The following PRRX2 variants were observed in gnomAD, a reference collection of about 807,000 sequenced individuals.
PRRX2 encodes the protein paired related homeobox 2.
PRRX2 carries 11 observed loss-of-function variants against 18.0 expected under a neutral mutation model. That is an observed-to-expected ratio of 0.61 (90% CI 0.39 to 1.01). The LOEUF is 1.01. PRRX2 is among the 50% of genes least tolerant of loss of function. The pLI is 0.01. For synonymous variants in PRRX2, 177 were observed against 154.8 expected (o/e 1.14, Z -1.06); for missense variants, 387 against 351.0 (o/e 1.10, Z -0.82).
chr9:129,696,439 G>T (rs1832423267), intron 1 of PRRX2, among the ~76,000 whole-genome samples: 1 of 152,066 alleles, frequency 6.6e-6, no homozygotes, highest in South Asian at 2.1e-4. Context: ...GCCAGGCGTG[G>T]TAGTGGGCGC....
At chr9:129,677,383 T>C (rs1832173178) in intron 1 of PRRX2, among the ~76,000 whole-genome samples, 1 of 152,254 alleles carries the variant, frequency 6.6e-6, no homozygotes, top group South Asian at 2.1e-4. Context: ...GGTATCACAC[T>C]GGCCACCTCA....
chr9:129,703,736 G>C (rs1018321290), intron 1 of PRRX2, among the ~76,000 whole-genome samples: 2 of 152,248 alleles, frequency 1.3e-5, no homozygotes, highest in Non-Finnish European at 2.9e-5. Flanking sequence ...CCATGCTGCG[G>C]TGAGGGGCGC....
intron 1 of PRRX2, among the ~76,000 whole-genome samples, chr9:129,699,416 T>C (rs1247019343): frequency 2.6e-5 from 4 of 151,122 alleles, no homozygotes; most frequent in Non-Finnish European, 5.9e-5. Context: ...AGGGCAAGAC[T>C]CTGTCTCAAA....
At chr9:129,721,860 C>A (rs1030315831) in intron 3 of PRRX2, among the ~76,000 whole-genome samples, 4 of 152,008 alleles carry the variant, frequency 2.6e-5, no homozygotes, top group African/African-American at 9.7e-5. Context: ...GGATTACAGG[C>A]GTGAGCCACC....
chr9:129,711,496 C>G (rs1055625290), intron 1 of PRRX2, among the ~76,000 whole-genome samples: 1 of 150,150 alleles, frequency 6.7e-6, no homozygotes, highest in African/African-American at 2.5e-5. Context: ...ACCTCCACCT[C>G]CCGGGTTTAA....
intron 1 of PRRX2, among the ~76,000 whole-genome samples, chr9:129,682,424 G>A (rs543479153): frequency 3.3e-5 from 5 of 152,140 alleles, no homozygotes; most frequent in East Asian, 3.9e-4. Flanking sequence ...CCTGGCAACC[G>A]CAGGCCCCCA....
Position 129,722,512 on chromosome 9 carries a change from GC to G in PRRX2, c.*163del. 1 of 771,318 alleles carries G rather than the reference GC, an allele frequency of 1.3e-6. No individual in the cohort carries two copies. Among genetic ancestry groups the G allele is most frequent in the Non-Finnish European group, 1.8e-6 (1 of 566,962 alleles). The allele number at this position is 771,318 out of a possible 1,614,324, so 47.8% of individuals were successfully genotyped here. On this transcript the variant is annotated 3_prime_UTR_variant, in exon 4 of 4. Transcript: ENST00000372469. The stretch of plus-strand genomic sequence containing the variant: ...AGGCTGTTGAGGCCCCTGCAGCCGG[GC>G]CCAGCTCTTCTGTCCTTGGCCACCA...
chr9:129,692,933 C>T (rs12685195), intron 1 of PRRX2, among the ~76,000 whole-genome samples: 6,829 of 152,228 alleles, frequency 0.045, 425 homozygotes, highest in East Asian at 0.35. Flanking sequence ...ATGGCCAAAT[C>T]GTACGGTAAA....
rs564662323 is a variant in PRRX2, at chr9:129,679,990, C to T, written c.259+13864C>T. On this transcript the variant is annotated intron_variant, in intron 1 of 3. Transcript: ENST00000372469. ...TCATGTCTCTGAGCCTCAAATTCCT[C>T]ACCTGCAAAATGATCATCATAATAG... 3.9e-5 allele frequency among the ~76,000 whole-genome samples: 6 copies of T among 152,288 alleles called. No individual in the cohort carries two copies. The East Asian group carries it at 1.2e-3, about 29-fold the overall frequency.
At chr9:129,672,078 G>C (rs1187241452) in intron 1 of PRRX2, among the ~76,000 whole-genome samples, 2 of 152,270 alleles carry the variant, frequency 1.3e-5, no homozygotes, top group East Asian at 3.9e-4. Flanking sequence ...GCAGAACTTG[G>C]GGCACTTCCG....
rs925958417 is a variant in PRRX2 at position 129,709,769 on chromosome 9, C to A, written c.260-9462C>A. Among the ~76,000 whole-genome samples, 1 of 152,132 alleles carries A rather than the reference C, an allele frequency of 6.6e-6. No homozygotes were observed. Among genetic ancestry groups the A allele is most frequent in the Admixed American group, 6.5e-5 (1 of 15,274 alleles). On this transcript the variant is annotated intron_variant, in intron 1 of 3. Transcript: ENST00000372469. The surrounding 1 kb of genome is among the most constrained non-coding windows in gnomAD (Gnocchi z 4.2). ...AGGGCAGTGGCTGGTGGTGGCCGGC[C>A]TCCCCCAGCCTCTTCCTCACTCGGA...
intron 1 of PRRX2, among the ~76,000 whole-genome samples, chr9:129,693,743 CCA>C (rs1157119372): frequency 1.3e-5 from 2 of 152,178 alleles, no homozygotes; most frequent in African/African-American, 2.4e-5. Flanking sequence ...TTTCCTGCCA[CCA>C]CCAAGGCCTT....
At position 129,677,612 on chromosome 9, in the gene PRRX2, C is replaced by A. The variant is rs376557371; in HGVS notation, c.259+11486C>A. ...GACACTGGGCCGTGGCATGGTCAGG[C>A]GGGGAGGCTCCAGGCCTTGCTGTGA... On this transcript the variant is annotated intron_variant, in intron 1 of 3. Transcript: ENST00000372469. Among the ~76,000 whole-genome samples, 19 of 152,306 alleles carry A rather than the reference C, an allele frequency of 1.2e-4. No homozygotes were observed. The South Asian group carries it at 3.3e-3, about 27-fold the overall frequency.
At chr9:129,716,827 C>T (rs894749675) in intron 1 of PRRX2, among the ~76,000 whole-genome samples, 1 of 151,936 alleles carries the variant, frequency 6.6e-6, no homozygotes, top group Non-Finnish European at 1.5e-5. Flanking sequence ...AAAAGCAATG[C>T]TGGAGGGATA....
chr9:129,692,210 A>G (rs10988476), intron 1 of PRRX2, among the ~76,000 whole-genome samples: 13,823 of 150,562 alleles, frequency 0.092, 2,092 homozygotes, highest in African/African-American at 0.32. Flanking sequence ...TCTGCCTCCC[A>G]AAGTGCTGGG....
At chr9:129,701,353 C>T (rs1832493650) in intron 1 of PRRX2, among the ~76,000 whole-genome samples, 1 of 152,254 alleles carries the variant, frequency 6.6e-6, no homozygotes, top group Non-Finnish European at 1.5e-5. Flanking sequence ...GCTGATGTTA[C>T]TTGACCACTA....
At chr9:129,683,603 C>T (rs1423595075) in intron 1 of PRRX2, among the ~76,000 whole-genome samples, 3 of 152,076 alleles carry the variant, frequency 2.0e-5, no homozygotes, top group Non-Finnish European at 2.9e-5. Context: ...GGCGTGGTGA[C>T]GGGCACCTGT....
chr9:129,719,358 C>T lies in PRRX2; in HGVS notation c.387C>T (p.Pro129=), dbSNP rs1393380088. The part of the protein sequence containing the change: ...LERVFERTHY[P]DAFVREELAR... ...GCGTGTTCGAGCGCACGCACTACCC[C>T]GACGCCTTTGTGCGCGAGGAGCTTG... The change falls in exon 2 of 4, where the codon CCC becomes CCT. Residue 129 remains proline (P), a synonymous_variant. Transcript: ENST00000372469. 1.3e-6 allele frequency: 2 copies of T among 1,579,726 alleles called. No individual in the cohort carries two copies. Among genetic ancestry groups the T allele is most frequent in the African/African-American group, 1.4e-5 (1 of 74,058 alleles).
chr9:129,683,905 G>A (rs2119065649), intron 1 of PRRX2, among the ~76,000 whole-genome samples: 1 of 152,298 alleles, frequency 6.6e-6, no homozygotes, highest in Non-Finnish European at 1.5e-5. Flanking sequence ...TCAGACTTCA[G>A]AGCCCTCCTG....
Sources: gnomAD v4.1 joint callset for allele counts (sites outside exome capture counted in the v4.1 genomes callset) on GRCh38, gnomAD v4.1.1 for gene constraint, Gnocchi (gnomAD v3.1) non-coding constraint, MANE v1.5 for transcripts, NCBI Gene and HGNC (gene_info 2026-07-23, HGNC 2026-07-21) for gene names.